NRG1: variants seen among roughly 807,000 people sequenced by gnomAD.
NRG1 encodes the protein neuregulin 1, also known as pro-neuregulin-1, membrane-bound isoform.
Under a neutral mutation model 63.8 loss-of-function variants are expected in NRG1, and 18 were observed. The ratio of observed to expected loss-of-function variants is 0.28; its 90% CI spans 0.19 to 0.42. NRG1 has a LOEUF of 0.42. Ranked by LOEUF, NRG1 falls within the 10% of genes least tolerant of loss-of-function variation. The pLI is 1.00. For synonymous variants in NRG1, 302 were observed against 301.3 expected (o/e 1.00, Z -0.02); for missense variants, 762 against 814.7 (o/e 0.94, Z 0.79).
chr8:32,684,961 A>G (rs1215771447), intron 5 of NRG1, among the ~76,000 whole-genome samples: 3 of 152,158 alleles, frequency 2.0e-5, no homozygotes, highest in Admixed American at 2.0e-4. Flanking sequence ...TTAGATATAC[A>G]TATAGTTGTA....
intron 1 of NRG1, among the ~76,000 whole-genome samples, chr8:32,380,209 A>G (rs1810168926): frequency 6.6e-6 from 1 of 151,896 alleles, no homozygotes; most frequent in Non-Finnish European, 1.5e-5. Context: ...TACTTTTTTT[A>G]ATAATATATT....
At position 32,503,495 on chromosome 8, in the gene NRG1, G is replaced by A. The variant is rs144956361; in HGVS notation, c.38-92333G>A. ...GTCACTGTACTATAAAACAGTTATT[G>A]TTGAAATAAAGTTTGTCAGAGTAAT... On this transcript the variant is annotated intron_variant, in intron 1 of 10. Transcript: ENST00000519301. Among the ~76,000 whole-genome samples the A allele has an allele frequency of 2.3e-3, 357 of 152,176 alleles. 1 individual carries two copies. The highest frequency in any genetic ancestry group is 7.9e-3 in the African/African-American group (329 of 41,524).
At chr8:31,941,078 G>A (rs1440753459) in intron 1 of NRG1, among the ~76,000 whole-genome samples, 2 of 26,658 alleles carry the variant, frequency 7.5e-5, no homozygotes, top group African/African-American at 3.9e-4. Flanking sequence ...TAATGCCAAA[G>A]CCAGAGGACA....
intron 1 of NRG1, among the ~76,000 whole-genome samples, chr8:32,539,875 G>C (rs923009777): frequency 2.0e-5 from 3 of 152,166 alleles, no homozygotes; most frequent in Non-Finnish European, 4.4e-5. Flanking sequence ...GTTTTAAGAT[G>C]AGTGTATCAA....
At chr8:32,570,205 G>A (rs989440306) in intron 1 of NRG1, among the ~76,000 whole-genome samples, 3 of 152,038 alleles carry the variant, frequency 2.0e-5, no homozygotes, top group African/African-American at 7.2e-5. Context: ...CACTGCTCCT[G>A]GCCTCTGATA....
chr8:31,839,411 G>C (rs958824270), intron 1 of NRG1, among the ~76,000 whole-genome samples: 14 of 152,146 alleles, frequency 9.2e-5, no homozygotes, highest in African/African-American at 3.4e-4. Flanking sequence ...TTGTGTGTAT[G>C]CTTGTGCTTC....
At chr8:32,090,163 T>C (rs1267305174) in intron 1 of NRG1, among the ~76,000 whole-genome samples, 1 of 152,190 alleles carries the variant, frequency 6.6e-6, no homozygotes, top group Non-Finnish European at 1.5e-5. Flanking sequence ...TCCTCATCTG[T>C]GAAATGCTGA....
At chr8:32,692,187 A>G (rs1316255062) in intron 5 of NRG1, among the ~76,000 whole-genome samples, 2 of 152,216 alleles carry the variant, frequency 1.3e-5, no homozygotes, top group Non-Finnish European at 2.9e-5. Context: ...AAAACTACCT[A>G]TTACATACAT....
At chr8:32,318,805 T>G (rs1801051726) in intron 1 of NRG1, among the ~76,000 whole-genome samples, 1 of 152,186 alleles carries the variant, frequency 6.6e-6, no homozygotes, top group African/African-American at 2.4e-5. Context: ...CAATTCAGTA[T>G]CCATTACACC....
intron 1 of NRG1, among the ~76,000 whole-genome samples, chr8:32,326,472 A>T (rs1033532925): frequency 2.0e-5 from 3 of 151,566 alleles, no homozygotes; most frequent in African/African-American, 7.3e-5. Context: ...TTTAATTTTA[A>T]ATTCACCACA....
chr8:32,279,255 A>G (rs1032326607), intron 1 of NRG1, among the ~76,000 whole-genome samples: 3 of 152,202 alleles, frequency 2.0e-5, no homozygotes, highest in Non-Finnish European at 2.9e-5. Context: ...GCTGCTTTTC[A>G]TGTACTAACT....
At chr8:32,383,483 C>T (rs1462731754) in intron 1 of NRG1, among the ~76,000 whole-genome samples, 1 of 152,116 alleles carries the variant, frequency 6.6e-6, no homozygotes, top group Non-Finnish European at 1.5e-5. Flanking sequence ...TTTCTCCTAC[C>T]TCCTCCTTTT....
Position 31,907,234 on chromosome 8 carries a change from A to G in NRG1, c.37+267803A>G, listed in dbSNP as rs1832594973. The stretch of plus-strand genomic sequence containing the variant: ...GATGAACTCCTGATGGGTTGATGCC[A>G]CAGGAGGATCCAGCCTTATTTTTCC... On this transcript the variant is annotated intron_variant, in intron 1 of 10. Coordinates refer to the NRG1 transcript ENST00000519301. 2.0e-5 allele frequency among the ~76,000 whole-genome samples: 3 copies of G among 152,074 alleles called. No individual in the cohort carries two copies. In the South Asian group the frequency reaches 6.2e-4, roughly 31 times the overall value.
At chr8:31,973,918 A>C (rs1389058462) in intron 1 of NRG1, among the ~76,000 whole-genome samples, 1 of 152,086 alleles carries the variant, frequency 6.6e-6, no homozygotes, top group African/African-American at 2.4e-5. Flanking sequence ...AATGAAATTC[A>C]CTCTCCGTCT....
At chr8:31,767,899 C>T (rs1818236355) in intron 1 of NRG1, among the ~76,000 whole-genome samples, 1 of 147,768 alleles carries the variant, frequency 6.8e-6, no homozygotes, top group Non-Finnish European at 1.5e-5. Flanking sequence ...ATGATATATA[C>T]TTAAATACAA....
intron 1 of NRG1, among the ~76,000 whole-genome samples, chr8:32,320,883 C>A (rs913740796): frequency 1.3e-5 from 2 of 152,160 alleles, no homozygotes; most frequent in African/African-American, 4.8e-5. Flanking sequence ...TAGCGATCAA[C>A]AGCTTTGGTG....
At chr8:32,142,837 T>C (rs886577819) in intron 1 of NRG1, among the ~76,000 whole-genome samples, 15 of 152,232 alleles carry the variant, frequency 9.9e-5, no homozygotes, top group African/African-American at 3.4e-4. Context: ...GTCAGGCATG[T>C]ATTTTTTTAA....
exon 10 of NRG1, chr8:32,759,380 T>G: frequency 1.2e-6 from 2 of 1,613,960 alleles, no homozygotes; most frequent in Non-Finnish European, 1.7e-6. Context: ...TTTCCACCAG[T>G]CACTATACTT....
At chr8:31,803,554 A>G (rs1469340386) in intron 1 of NRG1, among the ~76,000 whole-genome samples, 1 of 152,182 alleles carries the variant, frequency 6.6e-6, no homozygotes, top group Non-Finnish European at 1.5e-5. Flanking sequence ...CTCTCCATCC[A>G]CACTGCTACC....
Sources: allele counts gnomAD v4.1 joint callset (sites outside exome capture counted in the v4.1 genomes callset), GRCh38; gene constraint gnomAD v4.1.1; transcripts MANE v1.5; gene names NCBI Gene and HGNC (gene_info 2026-07-23, HGNC 2026-07-21).